WDFY3: variants seen among roughly 807,000 people sequenced by gnomAD.
The protein encoded by WDFY3 is WD repeat and FYVE domain containing 3.
Under a neutral mutation model 409.6 loss-of-function variants are expected in WDFY3, and 66 were observed. The observed-to-expected ratio is 0.16, with a 90% confidence interval of 0.13 to 0.20. The LOEUF (loss-of-function observed/expected upper bound fraction) is 0.20. Among genes scored for constraint, WDFY3 ranks in the 10% least tolerant of loss-of-function variants. WDFY3 has a pLI of 1.00. For synonymous variants in WDFY3, 1,521 were observed against 1,537.1 expected (o/e 0.99, Z 0.25); for missense variants, 3,031 against 4,298.1 (o/e 0.71, Z 8.24).
intron 8 of WDFY3, among the ~76,000 whole-genome samples, chr4:84,830,973 G>T (rs940296609): frequency 6.6e-6 from 1 of 152,012 alleles, no homozygotes; most frequent in Non-Finnish European, 1.5e-5. Context: ...TGGATCACAA[G>T]GTCAGGAGTT....
intron 32 of WDFY3, among the ~76,000 whole-genome samples, chr4:84,762,405 C>A (rs980598390): frequency 7.2e-6 from 1 of 139,430 alleles, no homozygotes; most frequent in East Asian, 2.1e-4. Flanking sequence ...TAGGTGGGAA[C>A]TGAATAATGA....
At chr4:84,780,350 G>C (rs1746276637) in intron 25 of WDFY3, 52 bp from the exon 26 acceptor site, 3 of 1,523,522 alleles carry the variant, frequency 2.0e-6, no homozygotes, top group South Asian at 1.3e-5. Context: ...ATGTGAACAA[G>C]AACTGTATAC....
At chr4:84,874,946 T>C (rs1762570124) in intron 3 of WDFY3, among the ~76,000 whole-genome samples, 1 of 152,166 alleles carries the variant, frequency 6.6e-6, no homozygotes, top group South Asian at 2.1e-4. Context: ...AGCATGTTGC[T>C]GTACTGAATA....
At position 84,789,666 on chromosome 4, in the gene WDFY3, CACA is replaced by C; in HGVS notation, c.3669+57_3669+59del. ...ACACACACACACACACACACACACA[CACA>C]CCCCCCAAACTACTACCTTATAAAA... On this transcript the variant is annotated intron_variant, in intron 22 of 67. Coordinates refer to ENST00000295888, the MANE Select transcript of WDFY3 (RefSeq NM_014991.6). The C allele has an allele frequency of 2.1e-6, 3 of 1,420,514 alleles. No individual in the cohort carries two copies. In the African/African-American group the frequency reaches 4.4e-5, roughly 21 times the overall value. 88.0% of individuals were successfully genotyped at this position (1,420,514 alleles called of 1,614,324 possible). A position where few individuals can be genotyped will look rare whatever the true frequency, so the allele number is the denominator to read the frequency against.
intron 7 of WDFY3, among the ~76,000 whole-genome samples, chr4:84,833,307 A>T (rs1300668895): frequency 6.6e-6 from 1 of 152,184 alleles, no homozygotes; most frequent in East Asian, 1.9e-4. Flanking sequence ...GTATGAATGA[A>T]ATAACTATAA....
intron 7 of WDFY3, among the ~76,000 whole-genome samples, chr4:84,832,014 C>T (rs531404031): frequency 1.3e-5 from 2 of 152,210 alleles, no homozygotes; most frequent in African/African-American, 2.4e-5. Flanking sequence ...AAATGAAATT[C>T]GTATGTCAAA....
rs60806853 is a variant in WDFY3 at position 84,778,659 on chromosome 4, C to A, written c.4366-4G>T. ...TCTTAAGCAACATTGCCAGCAACTACAAGAAAGTAATACCAAATGCCTGTT... is the reference window on the plus strand; with the variant it reads ...TCTTAAGCAACATTGCCAGCAACTAAAAGAAAGTAATACCAAATGCCTGTT... On this transcript the variant is annotated splice_polypyrimidine_tract_variant and splice_region_variant and intron_variant, in intron 26 of 67. Transcript: ENST00000295888. 6.2e-7 allele frequency: 1 copy of A among 1,603,148 alleles called. No homozygotes were observed. Among genetic ancestry groups the A allele is most frequent in the South Asian group, 1.1e-5 (1 of 88,708 alleles).
intron 4 of WDFY3, 152 bp downstream of exon 4, chr4:84,860,260 T>C: frequency 1.2e-6 from 1 of 868,076 alleles, no homozygotes; most frequent in Non-Finnish European, 1.7e-6. Flanking sequence ...CACACTGCTT[T>C]ATAGCAAATT....
At chr4:84,684,174 C>T (rs368285162) in intron 62 of WDFY3, 49 bp from the exon 63 acceptor site, 4 of 1,451,202 alleles carry the variant, frequency 2.8e-6, no homozygotes, top group Non-Finnish European at 2.8e-6. Context: ...TTCCAATTAC[C>T]TTCTGGTTTC....
chr4:84,960,945 T>G (rs898053250), intron 1 of WDFY3, among the ~76,000 whole-genome samples: 1 of 152,080 alleles, frequency 6.6e-6, no homozygotes, highest in Non-Finnish European at 1.5e-5. Flanking sequence ...AAGACAGATT[T>G]TGGCCAGGCA....
chr4:84,699,897 A>G (rs770986234), intron 56 of WDFY3, among the ~76,000 whole-genome samples: 2 of 151,466 alleles, frequency 1.3e-5, no homozygotes, highest in Non-Finnish European at 2.9e-5. Context: ...CCATTTTCCA[A>G]CTGGGTTGTT....
intron 36 of WDFY3, among the ~76,000 whole-genome samples, chr4:84,747,686 T>A (rs1739723309): frequency 6.6e-6 from 1 of 152,056 alleles, no homozygotes; most frequent in African/African-American, 2.4e-5. Context: ...GCTGTTCTTG[T>A]GATAGTGAGT....
intron 44 of WDFY3, among the ~76,000 whole-genome samples, chr4:84,729,053 T>C (rs1736133348): frequency 1.3e-5 from 2 of 152,096 alleles, no homozygotes; most frequent in South Asian, 2.1e-4. Context: ...GAAACTCTCC[T>C]AGTTAGAAAA....
intron 3 of WDFY3, among the ~76,000 whole-genome samples, chr4:84,882,047 C>T (rs1174012242): frequency 6.6e-6 from 1 of 152,090 alleles, no homozygotes; most frequent in Non-Finnish European, 1.5e-5. Context: ...ATGAATGGGA[C>T]TTGAAGTCAT....
intron 15 of WDFY3, among the ~76,000 whole-genome samples, chr4:84,804,798 C>T (rs1252858381): frequency 6.6e-6 from 1 of 152,042 alleles, no homozygotes; most frequent in African/African-American, 2.4e-5. Context: ...TACACACATA[C>T]GCATAGATTC....
At chr4:84,679,716 C>A (rs966826677) in intron 64 of WDFY3, among the ~76,000 whole-genome samples, 1 of 151,978 alleles carries the variant, frequency 6.6e-6, no homozygotes, top group African/African-American at 2.4e-5. Flanking sequence ...TCACCCAATT[C>A]CTTCAGCTCA....
At chr4:84,824,730 T>C (rs1400661229) in intron 10 of WDFY3, among the ~76,000 whole-genome samples, 1 of 152,158 alleles carries the variant, frequency 6.6e-6, no homozygotes, top group Non-Finnish European at 1.5e-5. Context: ...ATTGAGTAGA[T>C]TTAATGTACA....
chr4:84,762,875 G>A (rs1267908176), intron 32 of WDFY3, among the ~76,000 whole-genome samples: 7 of 152,060 alleles, frequency 4.6e-5, no homozygotes, highest in African/African-American at 1.7e-4. Context: ...TACTCAGGAG[G>A]CTGAGATGGG....
chr4:84,755,963 A>G (rs1298087240), intron 33 of WDFY3, among the ~76,000 whole-genome samples: 2 of 152,232 alleles, frequency 1.3e-5, no homozygotes, highest in African/African-American at 4.8e-5. Flanking sequence ...CTAAGGGCAC[A>G]GACTCAAGTG....
Sources: gnomAD v4.1 joint callset for allele counts (sites outside exome capture counted in the v4.1 genomes callset) on GRCh38, gnomAD v4.1.1 for gene constraint, MANE v1.5 for transcripts, NCBI Gene and HGNC (gene_info 2026-07-23, HGNC 2026-07-21) for gene names.